The following SHOC1 variants were observed in gnomAD, a reference collection of about 807,000 sequenced individuals.
SHOC1 encodes the protein protein shortage in chiasmata 1 ortholog.
Under a neutral mutation model 179.2 loss-of-function variants are expected in SHOC1, and 136 were observed. The observed-to-expected ratio is 0.76, with a 90% CI of 0.66 to 0.87. SHOC1 has a LOEUF of 0.87. Ranked by LOEUF, SHOC1 falls within the 40% of genes least tolerant of loss-of-function variation. The probability of loss-of-function intolerance (pLI) is 0.00; values close to 1 mark genes in which losing one functional copy is unlikely to be tolerated. For missense variants in SHOC1, 1,538 were observed against 1,700.8 expected (o/e 0.90, Z 1.68); for synonymous variants, 489 against 586.6 (o/e 0.83, Z 2.41).
At chr9:111,720,918 A>T (rs1833013231) in intron 15 of SHOC1, among the ~76,000 whole-genome samples, 1 of 152,124 alleles carries the variant, frequency 6.6e-6, no homozygotes, top group Non-Finnish European at 1.5e-5. Context: ...TTGATTTATT[A>T]TTCTCATTAT....
chr9:111,694,768 A>G lies in SHOC1; in HGVS notation c.3184-406T>C, dbSNP rs541611663. Among the ~76,000 whole-genome samples the G allele has an allele frequency of 5.3e-4, 80 of 152,200 alleles. 2 individuals carry two copies. Among genetic ancestry groups the G allele is most frequent in the African/African-American group, 1.9e-3 (77 of 41,572 alleles). ...ATAAGAATTTTAAAAATATAGTGCA[A>G]GATTTTTCAAAGACAAAGTTAAAAA... On this transcript the variant is annotated intron_variant, in intron 24 of 27. Coordinates refer to ENST00000682961, the MANE Select transcript of SHOC1 (RefSeq NM_001378211.1).
intron 3 of SHOC1, 39 bp from the exon 4 acceptor site, chr9:111,781,056 T>C (rs1351154852): frequency 7.2e-7 from 1 of 1,397,580 alleles, no homozygotes; most frequent in Non-Finnish European, 1.0e-6. Flanking sequence ...TCTAGAATTT[T>C]CTTTTACACT....
intron 1 of SHOC1, among the ~76,000 whole-genome samples, chr9:111,792,294 C>A (rs1836473403): frequency 6.6e-6 from 1 of 152,028 alleles, no homozygotes; most frequent in Non-Finnish European, 1.5e-5. Flanking sequence ...ACTTTTAAAA[C>A]AATCCAGGCC....
At position 111,756,462 on chromosome 9, in the gene SHOC1, A is replaced by G. The variant is rs779239759; in HGVS notation, c.725T>C (p.Ile242Thr). The G allele has an allele frequency of 1.9e-6, 3 of 1,594,796 alleles. No individual in the cohort carries two copies. The highest frequency in any genetic ancestry group is 1.7e-6 in the Non-Finnish European group (2 of 1,175,064). The change falls in exon 8 of 28, where the codon ATT (isoleucine) becomes ACT (threonine). Residue 242 changes from isoleucine (I) to threonine (T), a missense_variant. Physicochemically the swap from Ile to Thr is moderately conservative, Grantham distance 89 (BLOSUM62 -1). Transcript: ENST00000682961. ...TGGAGGTATTAAGAATTCATACTCA[A>G]TAAGAAAACTTGACGGCTGAAAAAA... ...ICLNEPSSFL[I>T]EYEFLIPPSL...
At chr9:111,708,618 A>G (rs1005842679) in intron 18 of SHOC1, among the ~76,000 whole-genome samples, 10 of 152,220 alleles carry the variant, frequency 6.6e-5, no homozygotes, top group Non-Finnish European at 1.0e-4. Flanking sequence ...ATTTAAGTAC[A>G]TAACTAAATA....
chr9:111,774,851 C>A (rs972366816), intron 5 of SHOC1, among the ~76,000 whole-genome samples: 2 of 151,676 alleles, frequency 1.3e-5, no homozygotes, highest in Non-Finnish European at 2.9e-5. Context: ...CATAATAGAA[C>A]CTTAAGTTCT....
At chr9:111,714,829 A>G (rs533429440) in intron 16 of SHOC1, among the ~76,000 whole-genome samples, 2 of 152,330 alleles carry the variant, frequency 1.3e-5, no homozygotes, top group Admixed American at 6.5e-5. Context: ...TTTAAGCTGC[A>G]TATGTACATT....
chr9:111,741,614 C>A (rs1481657495), intron 10 of SHOC1, 44 bp from the exon 11 acceptor site: 1 of 981,766 alleles, frequency 1.0e-6, no homozygotes. Flanking sequence ...AATATTGAGT[C>A]TTTTGTATAA....
chr9:111,790,910 A>G (rs1836422357), intron 2 of SHOC1, among the ~76,000 whole-genome samples: 1 of 152,222 alleles, frequency 6.6e-6, no homozygotes, highest in African/African-American at 2.4e-5. Context: ...AAGTAATTAG[A>G]CTAATAAACA....
At chr9:111,781,065 C>T (rs760941456) in intron 3 of SHOC1, 48 bp from the exon 4 acceptor site, 24 of 1,321,462 alleles carry the variant, frequency 1.8e-5, no homozygotes, top group Non-Finnish European at 2.4e-5. Flanking sequence ...TTCTTTTACA[C>T]TTAATTCAAG....
At chr9:111,706,427 G>C (rs917963794) in intron 20 of SHOC1, 141 bp downstream of exon 20, 2 of 465,112 alleles carry the variant, frequency 4.3e-6, no homozygotes, top group Non-Finnish European at 3.6e-6. Flanking sequence ...ACTACCCCAG[G>C]TCACACAGAT....
At chr9:111,750,071 A>G (rs1834505289) in intron 8 of SHOC1, among the ~76,000 whole-genome samples, 1 of 152,122 alleles carries the variant, frequency 6.6e-6, no homozygotes. Context: ...GTCAAATGGT[A>G]TTTCTGCTTC....
At chr9:111,753,825 A>G (rs1026678072) in intron 8 of SHOC1, among the ~76,000 whole-genome samples, 1 of 152,132 alleles carries the variant, frequency 6.6e-6, no homozygotes, top group Non-Finnish European at 1.5e-5. Flanking sequence ...TACCACTTCT[A>G]TGTGGAATCT....
At chr9:111,729,216 A>G (rs1274535092) in intron 12 of SHOC1, among the ~76,000 whole-genome samples, 1 of 152,118 alleles carries the variant, frequency 6.6e-6, no homozygotes, top group African/African-American at 2.4e-5. Context: ...CCTGGGCCCA[A>G]GCAGTCCTCC....
chr9:111,746,128 AT>A, intron 10 of SHOC1, 105 bp downstream of exon 10: 6 of 646,560 alleles, frequency 9.3e-6, no homozygotes, highest in Admixed American at 2.7e-5. Context: ...TAGCTCTTAA[AT>A]TTTTTCATAG....
intron 9 of SHOC1, 21 bp downstream of exon 9, chr9:111,748,071 A>G (rs1347260138): frequency 1.3e-6 from 2 of 1,525,904 alleles, no homozygotes; most frequent in Admixed American, 3.3e-5. Context: ...AATAAGCTCA[A>G]TGATTTATCA....
At chr9:111,782,136 C>T (rs1164783193) in intron 3 of SHOC1, among the ~76,000 whole-genome samples, 4 of 152,056 alleles carry the variant, frequency 2.6e-5, no homozygotes, top group African/African-American at 7.3e-5. Context: ...GGCATGAACC[C>T]GGGAGGCGGA....
intron 5 of SHOC1, among the ~76,000 whole-genome samples, chr9:111,768,735 A>G (rs535567813): frequency 9.8e-5 from 15 of 152,298 alleles, no homozygotes; most frequent in African/African-American, 3.1e-4. Context: ...TTCCTTTCCA[A>G]TTTGAATGCC....
chr9:111,717,569 T>C (rs1313743623), intron 16 of SHOC1, among the ~76,000 whole-genome samples: 1 of 143,616 alleles, frequency 7.0e-6, no homozygotes, highest in African/African-American at 2.7e-5. Flanking sequence ...CACACCTACC[T>C]GGGCAACAAA....
Sources: gnomAD v4.1 joint callset for allele counts (sites outside exome capture counted in the v4.1 genomes callset) on GRCh38, gnomAD v4.1.1 for gene constraint, MANE v1.5 for transcripts, NCBI Gene and HGNC (gene_info 2026-07-23, HGNC 2026-07-21) for gene names.